Variants in DNM3 observed in about 807,000 individuals in gnomAD.
DNM3 encodes the protein dynamin-3.
A neutral mutation model predicts 101.6 loss-of-function variants in DNM3; 47 were observed. The ratio of observed to expected loss-of-function variants is 0.46; its 90% confidence interval spans 0.37 to 0.59. DNM3 has a LOEUF of 0.59. Among genes scored for constraint, DNM3 ranks in the 20% least tolerant of loss-of-function variants. The pLI, the probability that DNM3 is intolerant of heterozygous loss-of-function variation, is 0.00. For missense variants in DNM3, 849 were observed against 1,085.7 expected (o/e 0.78, Z 3.06); for synonymous variants, 385 against 387.9 (o/e 0.99, Z 0.09).
intron 14 of DNM3, among the ~76,000 whole-genome samples, chr1:172,153,078 C>T (rs2058198193): frequency 6.6e-6 from 1 of 151,998 alleles, no homozygotes; most frequent in African/African-American, 2.4e-5. Context: ...TAAATGAAAC[C>T]TTTGCTTTTT....
intron 1 of DNM3, among the ~76,000 whole-genome samples, chr1:171,896,697 T>C (rs749507518): frequency 4.6e-5 from 7 of 152,220 alleles, no homozygotes; most frequent in Non-Finnish European, 8.8e-5. Context: ...TAGTTATATT[T>C]TTATTTAGTT....
At chr1:172,114,540 G>A (rs958965191) in intron 13 of DNM3, among the ~76,000 whole-genome samples, 1 of 152,174 alleles carries the variant, frequency 6.6e-6, no homozygotes, top group African/African-American at 2.4e-5. Flanking sequence ...AGGAAATAAG[G>A]TATCCCAATT....
intron 10 of DNM3, among the ~76,000 whole-genome samples, chr1:172,059,036 A>G (rs1194629883): frequency 2.0e-5 from 3 of 152,180 alleles, no homozygotes; most frequent in Admixed American, 6.5e-5. Flanking sequence ...ACACAGAAAT[A>G]AAAACTACCA....
chr1:171,860,335 A>T (rs889823168), intron 1 of DNM3, among the ~76,000 whole-genome samples: 1 of 152,182 alleles, frequency 6.6e-6, no homozygotes, highest in Non-Finnish European at 1.5e-5. Context: ...GGTATTTCTG[A>T]TAAAAATTTA....
Position 172,387,200 on chromosome 1 carries a change from T to C in DNM3, c.2126T>C (p.Met709Thr). 6.2e-7 allele frequency: 1 copy of C among 1,614,014 alleles called. No individual in the cohort carries two copies. The highest frequency in any genetic ancestry group is 8.5e-7 in the Non-Finnish European group (1 of 1,179,878). ...TCTTCAGAGGACCAAAATACCCTGA[T>C]GGAGGAATCTGCTGAGCAGGCTCAG... ...LYSSEDQNTL[M>T]EESAEQAQRR... Residue 709 changes from methionine (M) to threonine (T), a missense_variant, in exon 19 of 21, where the codon ATG becomes ACG. Coordinates refer to ENST00000627582, the MANE Select transcript of DNM3 (RefSeq NM_015569.5).
intron 14 of DNM3, among the ~76,000 whole-genome samples, chr1:172,204,590 T>A (rs528783328): frequency 1.3e-5 from 2 of 152,308 alleles, no homozygotes; most frequent in South Asian, 2.1e-4. Flanking sequence ...GCATGTTCTA[T>A]CTTTGCTAAT....
At chr1:172,061,877 A>T (rs918281563) in intron 10 of DNM3, among the ~76,000 whole-genome samples, 1 of 152,100 alleles carries the variant, frequency 6.6e-6, no homozygotes, top group African/African-American at 2.4e-5. Context: ...AAAAAAAAGA[A>T]AATACTTGCA....
chr1:172,151,090 GTGTA>G (rs559524894), intron 14 of DNM3, among the ~76,000 whole-genome samples: 302 of 152,228 alleles, frequency 2.0e-3, no homozygotes, highest in African/African-American at 7.0e-3. Flanking sequence ...GTATATAAGT[GTGTA>G]TGTATTTGTA....
downstream of DNM3, chr1:172,412,772 A>G: frequency 1.0e-6 from 1 of 975,312 alleles, no homozygotes; most frequent in Non-Finnish European, 1.2e-6. Flanking sequence ...TTTCAGTAAT[A>G]CCTGAGACTT....
intron 18 of DNM3, among the ~76,000 whole-genome samples, chr1:172,381,330 G>A (rs966772068): frequency 5.3e-5 from 8 of 152,018 alleles, no homozygotes; most frequent in Admixed American, 2.0e-4. Flanking sequence ...TGGAGAAGGC[G>A]AAAGTATCAT....
intron 14 of DNM3, among the ~76,000 whole-genome samples, chr1:172,157,446 G>A (rs1307631958): frequency 6.6e-6 from 1 of 152,006 alleles, no homozygotes; most frequent in African/African-American, 2.4e-5. Context: ...AGTATTGTGA[G>A]GATTAAACAA....
intron 2 of DNM3, among the ~76,000 whole-genome samples, chr1:171,925,920 A>T (rs1188809210): frequency 1.3e-5 from 2 of 152,180 alleles, no homozygotes; most frequent in African/African-American, 4.8e-5. Flanking sequence ...ATTCTTCTGC[A>T]TATGGTTAGG....
intron 14 of DNM3, among the ~76,000 whole-genome samples, chr1:172,225,134 CTTTTTTTTTTT>C (rs1168334078): frequency 3.1e-5 from 2 of 65,528 alleles, no homozygotes; most frequent in African/African-American, 6.6e-5. Context: ...TCTTCTTCCT[CTTTTTTTTTTT>C]TTTTTTTTTT....
rs535167885 is a variant in DNM3 at position 172,095,416 on chromosome 1, A to G, written c.1545+2541A>G. Among the ~76,000 whole-genome samples the G allele has an allele frequency of 7.9e-5, 12 of 152,352 alleles. No individual in the cohort carries two copies. The South Asian group carries it at 2.5e-3, about 32-fold the overall frequency. On this transcript the variant is annotated intron_variant, in intron 13 of 20. Coordinates refer to ENST00000627582, the MANE Select transcript of DNM3 (RefSeq NM_015569.5). Reference sequence around the variant, plus strand: ...GAACTAGAATATATTATTTTCCAGAATCAAATCCAATAATGTATACATGAT... The same window carrying G: ...GAACTAGAATATATTATTTTCCAGAGTCAAATCCAATAATGTATACATGAT...
At chr1:172,016,554 T>G (rs1044454921) in intron 4 of DNM3, among the ~76,000 whole-genome samples, 1 of 152,218 alleles carries the variant, frequency 6.6e-6, no homozygotes, top group Non-Finnish European at 1.5e-5. Context: ...GAGATATTGG[T>G]CTGTAGTTTT....
chr1:171,919,279 T>C lies in DNM3; in HGVS notation c.162-2469T>C, dbSNP rs181294767. The stretch of plus-strand genomic sequence containing the variant: ...CCATCAACCCGTCATCTACATTAGG[T>C]ATTTCTCCTAATGCTGTCCCTCTCC... On this transcript the variant is annotated intron_variant, in intron 1 of 20. Transcript: ENST00000627582. Among the ~76,000 whole-genome samples, 550 of 152,306 alleles carry C rather than the reference T, an allele frequency of 3.6e-3. 12 individuals are homozygous for C. The highest frequency in any genetic ancestry group is 0.032 in the Admixed American group (485 of 15,302).
chr1:171,963,750 T>C (rs1252488151), intron 2 of DNM3, among the ~76,000 whole-genome samples: 1 of 146,324 alleles, frequency 6.8e-6, no homozygotes, highest in African/African-American at 2.4e-5. Context: ...TTATATATAT[T>C]ATCTCTATAT....
rs550089783 is a variant in DNM3 at position 172,208,028 on chromosome 1, T to C, written c.1660-45545T>C. Among the ~76,000 whole-genome samples, 27 of 151,746 alleles carry C rather than the reference T, an allele frequency of 1.8e-4. 1 individual carries two copies. The South Asian group carries it at 3.5e-3, about 20-fold the overall frequency. On this transcript the variant is annotated intron_variant, in intron 14 of 20. Transcript: ENST00000627582. Reference sequence around the variant, plus strand: ...AGTTTGTATAGCTTTATGTAGAAAGTGAAAAAAAAAATCCTTGCTTGTCCA... The same window carrying C: ...AGTTTGTATAGCTTTATGTAGAAAGCGAAAAAAAAAATCCTTGCTTGTCCA...
intron 14 of DNM3, among the ~76,000 whole-genome samples, chr1:172,147,331 G>T (rs918461179): frequency 2.0e-5 from 3 of 152,228 alleles, no homozygotes; most frequent in East Asian, 1.9e-4. Context: ...TCTTACGTCT[G>T]TAAAGTTATC....
Sources: gnomAD v4.1 joint callset for allele counts (sites outside exome capture counted in the v4.1 genomes callset) on GRCh38, gnomAD v4.1.1 for gene constraint, MANE v1.5 for transcripts, NCBI Gene and HGNC (gene_info 2026-07-23, HGNC 2026-07-21) for gene names.